TBK1: variants seen among roughly 807,000 people sequenced by gnomAD.
TBK1 encodes the protein serine/threonine-protein kinase TBK1.
TBK1 carries 37 observed loss-of-function variants against 99.9 expected under a neutral mutation model. That is an observed-to-expected ratio of 0.37 (90% CI 0.28 to 0.49). The LOEUF (loss-of-function observed/expected upper bound fraction) is 0.49, where lower values mean the gene tolerates loss of function less well. Among genes scored for constraint, TBK1 ranks in the 20% least tolerant of loss-of-function variants. The pLI is 0.98. For missense variants in TBK1, 644 were observed against 872.5 expected (o/e 0.74, Z 3.30); for synonymous variants, 258 against 279.8 (o/e 0.92, Z 0.78).
intron 10 of TBK1, 97 bp downstream of exon 10, chr12:64,485,610 A>G (rs2040813203): frequency 5.2e-6 from 3 of 581,612 alleles, no homozygotes; most frequent in Non-Finnish European, 8.6e-6. Context: ...ATGTATGTCT[A>G]TATGACTTAG....
In TBK1 at chr12:64,494,039, A is replaced by G. The variant is rs73313896; in HGVS notation, c.1522-1444A>G. The stretch of plus-strand genomic sequence containing the variant: ...CCTTTAGTTTGCTTTTCACTCTTCT[A>G]TGTAATGCTGTAAGAAATGACTTTT... On this transcript the variant is annotated intron_variant, in intron 13 of 20. Coordinates refer to ENST00000331710, the MANE Select transcript of TBK1 (RefSeq NM_013254.4). Among the ~76,000 whole-genome samples, 294 of 152,332 alleles carry G rather than the reference A, an allele frequency of 1.9e-3. 1 individual carries two copies. The highest frequency in any genetic ancestry group is 6.6e-3 in the African/African-American group (273 of 41,574).
At chr12:64,485,881 A>C in intron 10 of TBK1, 45 bp from the exon 11 acceptor site, 3 of 1,416,140 alleles carry the variant, frequency 2.1e-6, no homozygotes, top group Non-Finnish European at 2.9e-6. Context: ...TTCTTACCCT[A>C]TACCACAATT....
At chr12:64,495,131 A>G (rs979448988) in intron 13 of TBK1, among the ~76,000 whole-genome samples, 1 of 152,228 alleles carries the variant, frequency 6.6e-6, no homozygotes, top group Non-Finnish European at 1.5e-5. Flanking sequence ...GAACTATTCT[A>G]GTGGTTCTAT....
chr12:64,472,608 G>A (rs545959326), intron 5 of TBK1, among the ~76,000 whole-genome samples: 1 of 152,236 alleles, frequency 6.6e-6, no homozygotes, highest in South Asian at 2.1e-4. Flanking sequence ...TAGGTTTTGT[G>A]AGCTCCTAAA....
At chr12:64,501,146 G>A (rs1428036595) in intron 20 of TBK1, among the ~76,000 whole-genome samples, 184 bp from the exon 21 acceptor site, 1 of 151,936 alleles carries the variant, frequency 6.6e-6, no homozygotes, top group Admixed American at 6.6e-5. Flanking sequence ...TCATTACATC[G>A]GTTTTTCATG....
At chr12:64,491,996 A>G (rs1487754887) in intron 13 of TBK1, among the ~76,000 whole-genome samples, 1 of 152,236 alleles carries the variant, frequency 6.6e-6, no homozygotes, top group Non-Finnish European at 1.5e-5. Flanking sequence ...GTTTCTTACT[A>G]TGAGTTGTGG....
rs1479394099 is a variant in TBK1 at position 64,502,083 on chromosome 12, GA to G, written c.*709del. The G allele has an allele frequency of 3.9e-5, 6 of 152,188 alleles. No individual in the cohort carries two copies. The highest frequency in any genetic ancestry group is 1.5e-4 in the African/African-American group (6 of 41,310). The allele number at this position is 152,188 out of a possible 1,614,324, so 9.4% of individuals were successfully genotyped here. On this transcript the variant is annotated 3_prime_UTR_variant, in exon 21 of 21. Transcript: ENST00000331710. ...CTTTAATTCTGCTTACTATTTCATG[GA>G]AAAAAATAAATTTCTCAATTTTAAT...
chr12:64,469,289 T>C (rs1435126081), intron 5 of TBK1, among the ~76,000 whole-genome samples: 1 of 152,188 alleles, frequency 6.6e-6, no homozygotes, highest in Non-Finnish European at 1.5e-5. Flanking sequence ...TCCACGTGAA[T>C]GTAAGCTCCA....
At chr12:64,476,663 C>T (rs1203511484) in intron 6 of TBK1, among the ~76,000 whole-genome samples, 1 of 152,074 alleles carries the variant, frequency 6.6e-6, no homozygotes, top group Non-Finnish European at 1.5e-5. Context: ...TGCCAAAGCT[C>T]TTTAGTTTAA....
intron 6 of TBK1, among the ~76,000 whole-genome samples, chr12:64,476,261 T>C (rs1039006996): frequency 4.7e-5 from 7 of 147,428 alleles, no homozygotes; most frequent in African/African-American, 1.7e-4. Context: ...TGGTTCACGC[T>C]ATTCTCCTGC....
At chr12:64,469,429 CT>C (rs1236112744) in intron 5 of TBK1, among the ~76,000 whole-genome samples, 1 of 152,138 alleles carries the variant, frequency 6.6e-6, no homozygotes, top group African/African-American at 2.4e-5. Context: ...CCTTTTGTCT[CT>C]TCCTGGGCCT....
intron 13 of TBK1, among the ~76,000 whole-genome samples, chr12:64,491,705 A>G (rs1223806632): frequency 2.0e-5 from 3 of 151,978 alleles, no homozygotes; most frequent in Non-Finnish European, 2.9e-5. Flanking sequence ...ATGTTAAATT[A>G]AAAGTGAAAG....
intron 3 of TBK1, among the ~76,000 whole-genome samples, chr12:64,461,079 CAA>C (rs913723492): frequency 3.5e-5 from 4 of 113,090 alleles, no homozygotes; most frequent in Non-Finnish European, 1.8e-5. Context: ...GACCCTGTCT[CAA>C]AAAAAAAAAG....
intron 7 of TBK1, 31 bp from the exon 8 acceptor site, chr12:64,481,811 C>G (rs1418378963): frequency 1.2e-5 from 18 of 1,473,902 alleles, no homozygotes; most frequent in Non-Finnish European, 1.6e-5. Context: ...GATATATTCA[C>G]TCTTCAAGTA....
chr12:64,457,691 A>G (rs2040504174), intron 2 of TBK1, among the ~76,000 whole-genome samples: 1 of 152,176 alleles, frequency 6.6e-6, no homozygotes, highest in Admixed American at 6.5e-5. Flanking sequence ...GATGAGACAT[A>G]TTGAAAGGGC....
intron 13 of TBK1, among the ~76,000 whole-genome samples, chr12:64,494,007 T>C (rs1210625654): frequency 6.6e-6 from 1 of 152,226 alleles, no homozygotes; most frequent in Non-Finnish European, 1.5e-5. Flanking sequence ...ATTGCTCTAC[T>C]GTTGGTCCTT....
intron 7 of TBK1, 61 bp downstream of exon 7, chr12:64,480,183 T>C: frequency 2.5e-6 from 3 of 1,198,600 alleles, no homozygotes; most frequent in South Asian, 2.7e-5. Flanking sequence ...CTTTGTTGCC[T>C]AGAACCACAG....
At position 64,502,059 on chromosome 12, in the gene TBK1, T is replaced by TTTAA. The variant is rs1297785985; in HGVS notation, c.*681_*684dup. The TTTAA allele has an allele frequency of 2.6e-5, 4 of 152,638 alleles. No homozygotes were observed. The highest frequency in any genetic ancestry group is 9.6e-5 in the African/African-American group (4 of 41,452). The allele number at this position is 152,638 out of a possible 1,614,324, so 9.5% of individuals were successfully genotyped here. On this transcript the variant is annotated 3_prime_UTR_variant, in exon 21 of 21. Coordinates refer to ENST00000331710, the MANE Select transcript of TBK1 (RefSeq NM_013254.4). ...TCAACTGTTTTAAGCTGTATATTTC[T>TTTAA]TTAATTCTGCTTACTATTTCATGGA...
intron 8 of TBK1, chr12:64,483,964 G>GC: frequency 6.3e-6 from 1 of 158,084 alleles, no homozygotes; most frequent in South Asian, 1.9e-4. Flanking sequence ...TCAAGATCGT[G>GC]CCACTGCACT....
Sources: allele counts gnomAD v4.1 joint callset (sites outside exome capture counted in the v4.1 genomes callset), GRCh38; gene constraint gnomAD v4.1.1; transcripts MANE v1.5; gene names NCBI Gene and HGNC (gene_info 2026-07-23, HGNC 2026-07-21).